Variants in DCDC1 observed in about 807,000 individuals in gnomAD.
The protein encoded by DCDC1 is doublecortin domain-containing protein 1.
DCDC1 carries 200 observed loss-of-function variants against 178.3 expected under a neutral mutation model. That is an observed-to-expected ratio of 1.12 (90% CI 1.00 to 1.26). The LOEUF is 1.26. DCDC1 is among the 50% of genes most tolerant of loss of function. The probability of loss-of-function intolerance (pLI) is 0.00; values close to 1 mark genes in which losing one functional copy is unlikely to be tolerated. For missense variants in DCDC1, 1,983 were observed against 1,749.2 expected (o/e 1.13, Z -2.38); for synonymous variants, 690 against 604.8 (o/e 1.14, Z -2.07).
intron 3 of DCDC1, among the ~76,000 whole-genome samples, chr11:31,321,436 C>T (rs1158000794): frequency 1.3e-5 from 2 of 151,316 alleles, no homozygotes; most frequent in Admixed American, 6.6e-5. Context: ...GTCCGTCACC[C>T]CTTTCTTTGA....
intron 36 of DCDC1, among the ~76,000 whole-genome samples, chr11:30,888,102 GAAAGAAAGAA>G (rs1943406652): frequency 1.0e-4 from 5 of 47,664 alleles, no homozygotes; most frequent in African/African-American, 4.3e-4. Flanking sequence ...GAAAGAAAAA[GAAAGAAAGAA>G]AGAAAGAAAG....
intron 38 of DCDC1, among the ~76,000 whole-genome samples, chr11:30,870,126 T>G (rs2133915123): frequency 6.6e-6 from 1 of 152,272 alleles, no homozygotes; most frequent in Non-Finnish European, 1.5e-5. Flanking sequence ...TATTAACAGT[T>G]GTATGTTTGT....
chr11:31,250,415 C>CACACACACACACACACACACACATATAT (rs1223526182), intron 8 of DCDC1, among the ~76,000 whole-genome samples: 4 of 73,728 alleles, frequency 5.4e-5, no homozygotes, highest in South Asian at 5.4e-4. Context: ...CACACACACA[C>CACACACACACACACACACACACATATAT]ATATACATAT....
rs1179036957 is a variant in DCDC1 at position 31,192,527 on chromosome 11, C to T, written c.1221+48923G>A. ...TCTGCCCAGAGTTCCCTCTCACCTTCCCTAAGGCCTAATCATGCTTCACAA... is the reference window on the plus strand; with the variant it reads ...TCTGCCCAGAGTTCCCTCTCACCTTTCCTAAGGCCTAATCATGCTTCACAA... On this transcript the variant is annotated intron_variant, in intron 9 of 38. Transcript: ENST00000684477. Among the ~76,000 whole-genome samples the T allele has an allele frequency of 3.9e-5, 6 of 152,088 alleles. No individual in the cohort carries two copies. The East Asian group carries it at 9.7e-4, about 24-fold the overall frequency.
intron 11 of DCDC1, among the ~76,000 whole-genome samples, chr11:31,120,665 T>C (rs1333187360): frequency 6.6e-6 from 1 of 152,122 alleles, no homozygotes; most frequent in East Asian, 1.9e-4. Flanking sequence ...ACTGACCAAT[T>C]GTGTGTGAAA....
intron 21 of DCDC1, among the ~76,000 whole-genome samples, chr11:30,946,904 A>G (rs1172843125): frequency 1.3e-5 from 2 of 152,206 alleles, no homozygotes; most frequent in East Asian, 3.9e-4. Context: ...CATATTCCAA[A>G]GGTCAGCCAA....
intron 8 of DCDC1, among the ~76,000 whole-genome samples, chr11:31,262,299 GA>G (rs1186717756): frequency 1.3e-5 from 2 of 151,368 alleles, no homozygotes; most frequent in African/African-American, 2.4e-5. Flanking sequence ...CTATGGCTTA[GA>G]ATAAAATCTA....
intron 20 of DCDC1, among the ~76,000 whole-genome samples, chr11:30,974,872 A>G: frequency 6.6e-6 from 1 of 152,110 alleles, no homozygotes; most frequent in Non-Finnish European, 1.5e-5. Flanking sequence ...CTCATTCTAT[A>G]AGGCCAGTGT....
chr11:31,326,898 C>A (rs942558913), intron 3 of DCDC1, among the ~76,000 whole-genome samples: 1 of 152,112 alleles, frequency 6.6e-6, no homozygotes, highest in African/African-American at 2.4e-5. Context: ...ACTCAGACAG[C>A]CAATAGTTTA....
In DCDC1 at chr11:31,148,221, A is replaced by AAC. The variant is rs1464064746; in HGVS notation, c.1222-10438_1222-10437insGT. ...AGAATTTATTATTATAAAAAAAAAA[A>AAC]AAAAAAAAAAAAACAGGAAAGGAAA... is the stretch of plus-strand genomic sequence containing the variant. On this transcript the variant is annotated intron_variant, in intron 9 of 38. Coordinates refer to ENST00000684477, the MANE Select transcript of DCDC1 (RefSeq NM_001387274.1). Among the ~76,000 whole-genome samples, 13 of 147,908 alleles carry AAC rather than the reference A, an allele frequency of 8.8e-5. No individual in the cohort carries two copies. The East Asian group carries it at 2.3e-3, about 26-fold the overall frequency.
In DCDC1 at chr11:31,305,669, C is replaced by T. The variant is rs954406987; in HGVS notation, c.700G>A (p.Asp234Asn). The T allele has an allele frequency of 5.6e-6, 9 of 1,613,652 alleles. No homozygotes were observed. Among genetic ancestry groups the T allele is most frequent in the East Asian group, 4.5e-5 (2 of 44,878 alleles). Residue 234 changes from aspartate (D) to asparagine (N), a missense_variant, in exon 6 of 39, where the codon GAT becomes AAT. Physicochemically the swap from Asp to Asn is conservative, Grantham distance 23. Coordinates refer to ENST00000684477, the MANE Select transcript of DCDC1 (RefSeq NM_001387274.1). ...GGCTCTCCCGTTGAAACATAAACAT[C>T]GGCTTCATGGGGTATATCTTCAGGT... is the stretch of plus-strand genomic sequence containing the variant. ...LEPEDIPHEA[D>N]VYVSTGEPFL...
chr11:31,273,439 A>T (rs1220340690), intron 7 of DCDC1, among the ~76,000 whole-genome samples: 1 of 152,182 alleles, frequency 6.6e-6, no homozygotes, highest in East Asian at 1.9e-4. Context: ...CAGGGGCAAC[A>T]TACCACAAGT....
At chr11:30,897,815 T>C (rs1239065103) in intron 34 of DCDC1, among the ~76,000 whole-genome samples, 1 of 152,072 alleles carries the variant, frequency 6.6e-6, no homozygotes, top group Non-Finnish European at 1.5e-5. Flanking sequence ...ATAGAATGTA[T>C]AATCTAACAT....
chr11:31,082,344 T>C (rs1475353592), intron 17 of DCDC1, among the ~76,000 whole-genome samples: 1 of 152,082 alleles, frequency 6.6e-6, no homozygotes, highest in African/African-American at 2.4e-5. Context: ...TCACCACCTC[T>C]ACTACCACTA....
intron 17 of DCDC1, among the ~76,000 whole-genome samples, chr11:31,087,771 T>C (rs1288727068): frequency 2.0e-5 from 3 of 152,174 alleles, no homozygotes; most frequent in Non-Finnish European, 4.4e-5. Flanking sequence ...TAACATGCTA[T>C]GTACTTTAAA....
chr11:30,976,053 C>T (rs1950082654), intron 20 of DCDC1, among the ~76,000 whole-genome samples: 1 of 151,986 alleles, frequency 6.6e-6, no homozygotes, highest in Non-Finnish European at 1.5e-5. Flanking sequence ...AAAAATAAAT[C>T]CACATATTTA....
chr11:31,106,304 C>T (rs913248735), intron 13 of DCDC1, among the ~76,000 whole-genome samples: 7 of 152,188 alleles, frequency 4.6e-5, no homozygotes, highest in African/African-American at 1.7e-4. Flanking sequence ...AAGGTTAAGA[C>T]TTTATTTGTG....
chr11:30,993,677 C>T (rs542350145), intron 20 of DCDC1, among the ~76,000 whole-genome samples: 1 of 152,024 alleles, frequency 6.6e-6, no homozygotes, highest in East Asian at 1.9e-4. Context: ...TGAATACTAC[C>T]AACAACTCTA....
intron 20 of DCDC1, among the ~76,000 whole-genome samples, chr11:31,029,009 A>G (rs1451639123): frequency 6.6e-6 from 1 of 152,068 alleles, no homozygotes; most frequent in Non-Finnish European, 1.5e-5. Context: ...AACAGATGCT[A>G]AGATTTTACG....
Sources: allele counts gnomAD v4.1 joint callset (sites outside exome capture counted in the v4.1 genomes callset), GRCh38; gene constraint gnomAD v4.1.1; transcripts MANE v1.5; gene names NCBI Gene and HGNC (gene_info 2026-07-23, HGNC 2026-07-21).